CHCHD6: variants seen among roughly 807,000 people sequenced by gnomAD.
CHCHD6 encodes the protein MICOS complex subunit MIC25.
A neutral mutation model predicts 32.3 loss-of-function variants in CHCHD6; 28 were observed. That is an observed-to-expected ratio of 0.87 (90% CI 0.64 to 1.19). The LOEUF (loss-of-function observed/expected upper bound fraction) is 1.19, where lower values mean the gene tolerates loss of function less well. Ranked by LOEUF, CHCHD6 falls within the 50% of genes most tolerant of loss-of-function variation. The probability of loss-of-function intolerance (pLI) is 0.00; values close to 1 mark genes in which losing one functional copy is unlikely to be tolerated. For missense variants in CHCHD6, 333 were observed against 307.0 expected, an observed-to-expected ratio of 1.08 and a Z score of -0.63; for synonymous variants, 122 against 117.5, an observed-to-expected ratio of 1.04 and a Z score of -0.25.
rs556762650 is a variant in CHCHD6, at chr3:126,830,801, A to T, written c.412-21846A>T. Among the ~76,000 whole-genome samples the T allele has an allele frequency of 3.9e-5, 6 of 152,194 alleles. No individual in the cohort carries two copies. In the South Asian group the frequency reaches 1.0e-3, roughly 26 times the overall value. On this transcript the variant is annotated intron_variant, in intron 4 of 7. Transcript: ENST00000290913. The stretch of plus-strand genomic sequence containing the variant: ...GTGAAACTCTGAGTGTCCCTCTGTT[A>T]CTCAGAGGACAGCATCCAGATCCCT...
chr3:126,958,354 T>C (rs1457435423), intron 7 of CHCHD6, among the ~76,000 whole-genome samples: 1 of 152,126 alleles, frequency 6.6e-6, no homozygotes, highest in Non-Finnish European at 1.5e-5. Context: ...TGCGGCCTGT[T>C]TGTGAAAATG....
At chr3:126,931,684 A>C (rs1451800818) in intron 6 of CHCHD6, among the ~76,000 whole-genome samples, 1 of 152,148 alleles carries the variant, frequency 6.6e-6, no homozygotes, top group Admixed American at 6.5e-5. Context: ...CCTCCCAGTT[A>C]GTTACCCACC....
intron 4 of CHCHD6, among the ~76,000 whole-genome samples, chr3:126,847,429 C>T (rs1941329846): frequency 6.6e-6 from 1 of 152,126 alleles, no homozygotes; most frequent in South Asian, 2.1e-4. Context: ...GTGGACGCAG[C>T]TCATAAAATG....
chr3:126,857,522 C>T (rs41420544), intron 5 of CHCHD6, among the ~76,000 whole-genome samples: 27,420 of 151,982 alleles, frequency 0.18, 2,948 homozygotes, highest in African/African-American at 0.28. Flanking sequence ...CATCTGATCC[C>T]GAGAGCCCTG....
intron 6 of CHCHD6, among the ~76,000 whole-genome samples, chr3:126,956,197 T>G (rs1047679116): frequency 2.6e-5 from 4 of 152,210 alleles, no homozygotes; most frequent in African/African-American, 9.7e-5. Context: ...CAGTGATCCT[T>G]TCTATTGCTA....
At chr3:126,958,270 A>G (rs932230490) in intron 7 of CHCHD6, among the ~76,000 whole-genome samples, 2 of 146,546 alleles carry the variant, frequency 1.4e-5, no homozygotes, top group Non-Finnish European at 3.0e-5. Context: ...CCCTTGCCCC[A>G]CCCCAACAGG....
chr3:126,843,526 A>T (rs900832950), intron 4 of CHCHD6, among the ~76,000 whole-genome samples: 2 of 152,166 alleles, frequency 1.3e-5, no homozygotes, highest in Non-Finnish European at 2.9e-5. Flanking sequence ...TTGTTTTGTA[A>T]ATCAAGGAAA....
At chr3:126,863,403 CTCCTCT>C (rs1942042900) in intron 5 of CHCHD6, among the ~76,000 whole-genome samples, 5 of 137,930 alleles carry the variant, frequency 3.6e-5, no homozygotes, top group Admixed American at 7.0e-5. Flanking sequence ...CCTCCTCCTC[CTCCTCT>C]ACCATCATCA....
In CHCHD6 at chr3:126,953,601, T is replaced by C. The variant is rs115096538; in HGVS notation, c.567-3815T>C. Reference sequence around the variant, plus strand: ...CACAGCATGCAATTCTGTTCTTCTATGGGGCAAGCGGTGTTACTGTTCCCA... The same window carrying C: ...CACAGCATGCAATTCTGTTCTTCTACGGGGCAAGCGGTGTTACTGTTCCCA... On this transcript the variant is annotated intron_variant, in intron 6 of 7. Transcript: ENST00000290913. Among the ~76,000 whole-genome samples, 184 of 152,314 alleles carry C rather than the reference T, an allele frequency of 1.2e-3. 1 individual carries two copies. The highest frequency in any genetic ancestry group is 4.1e-3 in the African/African-American group (172 of 41,574).
chr3:126,847,087 A>G (rs1559878189), intron 4 of CHCHD6, among the ~76,000 whole-genome samples: 2 of 152,204 alleles, frequency 1.3e-5, no homozygotes. Flanking sequence ...TATATTAGTT[A>G]ACAGTTACTA....
intron 4 of CHCHD6, among the ~76,000 whole-genome samples, chr3:126,788,513 G>C (rs570321948): frequency 2.0e-5 from 3 of 152,112 alleles, no homozygotes; most frequent in Non-Finnish European, 1.5e-5. Flanking sequence ...GCCTGTTATT[G>C]GTCTATTCAG....
intron 6 of CHCHD6, among the ~76,000 whole-genome samples, chr3:126,918,691 A>C (rs751557176): frequency 6.6e-6 from 1 of 152,242 alleles, no homozygotes; most frequent in Non-Finnish European, 1.5e-5. Context: ...GTATGGCTAG[A>C]GAGTAATGAA....
At chr3:126,781,583 G>A (rs115274384) in intron 4 of CHCHD6, among the ~76,000 whole-genome samples, 1 of 152,218 alleles carries the variant, frequency 6.6e-6, no homozygotes, top group South Asian at 2.1e-4. Context: ...TGGGCATCAG[G>A]CGAGGGGTCA....
intron 4 of CHCHD6, among the ~76,000 whole-genome samples, chr3:126,818,823 A>G (rs1177132158): frequency 6.6e-6 from 1 of 152,212 alleles, no homozygotes; most frequent in Non-Finnish European, 1.5e-5. Flanking sequence ...GCCTCATGGC[A>G]TTGGCAGTGG....
chr3:126,806,318 T>A (rs1326694728), intron 4 of CHCHD6, among the ~76,000 whole-genome samples: 1 of 152,134 alleles, frequency 6.6e-6, no homozygotes, highest in Non-Finnish European at 1.5e-5. Context: ...AAAGGACTAA[T>A]ATCCAGAATC....
At chr3:126,712,547 A>C (rs949181119) in intron 1 of CHCHD6, among the ~76,000 whole-genome samples, 1 of 152,178 alleles carries the variant, frequency 6.6e-6, no homozygotes, top group Non-Finnish European at 1.5e-5. Flanking sequence ...AACGTGCTGC[A>C]CTGGAAGGCA....
chr3:126,773,082 G>A (rs372277616), intron 4 of CHCHD6, among the ~76,000 whole-genome samples: 1 of 152,018 alleles, frequency 6.6e-6, no homozygotes, highest in Admixed American at 6.6e-5. Context: ...GGCTTGCAGG[G>A]TTTCTGTAGA....
At chr3:126,864,595 C>T (rs1394840127) in intron 5 of CHCHD6, among the ~76,000 whole-genome samples, 2 of 147,266 alleles carry the variant, frequency 1.4e-5, no homozygotes, top group Non-Finnish European at 3.0e-5. Context: ...CCTCCACCAC[C>T]TCCTTCTCCT....
chr3:126,949,860 A>T (rs910211280), intron 6 of CHCHD6: 1 of 155,510 alleles, frequency 6.4e-6, no homozygotes, highest in Non-Finnish European at 1.4e-5. Flanking sequence ...AAGAATGCAG[A>T]GCCTTGCCAT....
Sources: allele counts gnomAD v4.1 joint callset (sites outside exome capture counted in the v4.1 genomes callset), GRCh38; gene constraint gnomAD v4.1.1; transcripts MANE v1.5; gene names NCBI Gene and HGNC (gene_info 2026-07-23, HGNC 2026-07-21).